Variants in AGO3 observed in about 807,000 individuals in gnomAD.
AGO3 encodes argonaute RISC catalytic component 3, also known as protein argonaute-3.
A neutral mutation model predicts 105.5 loss-of-function variants in AGO3; 16 were observed. The observed-to-expected ratio is 0.15, with a 90% CI of 0.10 to 0.23. The LOEUF (loss-of-function observed/expected upper bound fraction) is 0.23. AGO3 is among the 10% of genes least tolerant of loss of function. The probability of loss-of-function intolerance (pLI) is 1.00; values close to 1 mark genes in which losing one functional copy is unlikely to be tolerated. For synonymous variants in AGO3, 340 were observed against 367.3 expected (o/e 0.93, Z 0.85); for missense variants, 534 against 1,088.0 (o/e 0.49, Z 7.16).
rs748400455 is a variant in AGO3, at chr1:36,015,693, A to G, written c.1406+1645A>G. 1.7e-4 allele frequency among the ~76,000 whole-genome samples: 26 copies of G among 152,200 alleles called. 1 individual carries two copies. Among genetic ancestry groups the G allele is most frequent in the Admixed American group, 1.6e-3 (24 of 15,278 alleles). On this transcript the variant is annotated intron_variant, in intron 11 of 18. Coordinates refer to ENST00000373191, the MANE Select transcript of AGO3 (RefSeq NM_024852.4). ...CAAATGCATATTTCACAATATCACA[A>G]CTACTTTTTGTGGGATAGTAGCAGC...
At chr1:35,984,078 T>C (rs1647113414) in intron 5 of AGO3, among the ~76,000 whole-genome samples, 1 of 152,062 alleles carries the variant, frequency 6.6e-6, no homozygotes, top group South Asian at 2.1e-4. Flanking sequence ...AATACTAGCA[T>C]TTAAGAAAAA....
rs566321315 is a variant in AGO3, at chr1:36,030,881, C to A, written c.1592-3293C>A. On this transcript the variant is annotated intron_variant, in intron 12 of 18. Coordinates refer to ENST00000373191, the MANE Select transcript of AGO3 (RefSeq NM_024852.4). Reference sequence around the variant, plus strand: ...AAATTTTTGTAGTGTTTTCCCTAGACTTTTTAATATATATTTACAACTAAT... The same window carrying A: ...AAATTTTTGTAGTGTTTTCCCTAGAATTTTTAATATATATTTACAACTAAT... 2.6e-5 allele frequency among the ~76,000 whole-genome samples: 4 copies of A among 152,218 alleles called. No homozygotes were observed. The East Asian group carries it at 5.8e-4, about 22-fold the overall frequency.
chr1:35,933,858 CTG>C (rs1356648917), intron 1 of AGO3, among the ~76,000 whole-genome samples: 2 of 151,878 alleles, frequency 1.3e-5, no homozygotes, highest in African/African-American at 2.4e-5. Flanking sequence ...ACACAGAAAA[CTG>C]TTAAATTTGT....
intron 5 of AGO3, among the ~76,000 whole-genome samples, chr1:35,997,941 C>T (rs1176045197): frequency 1.3e-5 from 2 of 152,246 alleles, no homozygotes; most frequent in South Asian, 2.1e-4. Context: ...AGGTGATCCA[C>T]CCGCCTTGGC....
chr1:36,014,403 C>T (rs1344575006), intron 11 of AGO3, among the ~76,000 whole-genome samples: 2 of 151,952 alleles, frequency 1.3e-5, no homozygotes, highest in East Asian at 2.0e-4. Context: ...GGTGATCTGC[C>T]CGCCTTGGCC....
intron 2 of AGO3, among the ~76,000 whole-genome samples, chr1:35,953,586 C>G (rs1285380120): frequency 6.6e-6 from 1 of 150,550 alleles, no homozygotes; most frequent in African/African-American, 2.5e-5. Context: ...AGTGCAGTGG[C>G]ACGATCTTAG....
chr1:35,979,116 G>A (rs1647003690), intron 5 of AGO3, among the ~76,000 whole-genome samples: 1 of 152,166 alleles, frequency 6.6e-6, no homozygotes, highest in Non-Finnish European at 1.5e-5. Flanking sequence ...TGTAATCCCA[G>A]CACTTTGGGA....
chr1:35,965,282 G>C (rs555201786), intron 2 of AGO3, among the ~76,000 whole-genome samples: 17 of 152,110 alleles, frequency 1.1e-4, no homozygotes, highest in African/African-American at 3.4e-4. Context: ...ACCAGGTCAG[G>C]AGTTCGAGAC....
intron 2 of AGO3, among the ~76,000 whole-genome samples, chr1:35,947,477 T>G (rs1296010473): frequency 6.6e-6 from 1 of 152,188 alleles, no homozygotes; most frequent in African/African-American, 2.4e-5. Context: ...GTGGTTATTT[T>G]TCTCCCTTTC....
At chr1:36,011,669 C>G (rs1297694011) in intron 9 of AGO3, among the ~76,000 whole-genome samples, 1 of 152,178 alleles carries the variant, frequency 6.6e-6, no homozygotes, top group Non-Finnish European at 1.5e-5. Flanking sequence ...CTTACTGTTA[C>G]TGTTACTATT....
At chr1:35,998,801 T>C (rs1639956928) in intron 5 of AGO3, among the ~76,000 whole-genome samples, 1 of 152,192 alleles carries the variant, frequency 6.6e-6, no homozygotes, top group African/African-American at 2.4e-5. Context: ...TGGTGTCTTT[T>C]TTCTTATAGT....
rs1324033712 is a variant in AGO3, at chr1:36,070,100, A to G, written c.*14355A>G. On this transcript the variant is annotated 3_prime_UTR_variant, in exon 19 of 19. Coordinates refer to ENST00000373191, the MANE Select transcript of AGO3 (RefSeq NM_024852.4). ...AATAATAAAATACAAATACTTAGAA[A>G]TTAACTTCGCCTTTGCCTTCAGGCA... is the stretch of plus-strand genomic sequence containing the variant. The G allele has an allele frequency of 1.3e-5, 2 of 152,158 alleles. No individual in the cohort carries two copies. Among genetic ancestry groups the G allele is most frequent in the Non-Finnish European group, 2.9e-5 (2 of 68,032 alleles). 9.4% of individuals were successfully genotyped at this position (152,158 alleles called of 1,614,324 possible).
Position 35,970,385 on chromosome 1 carries a change from T to G in AGO3, c.313-1639T>G, listed in dbSNP as rs150871839. 2.0e-5 allele frequency among the ~76,000 whole-genome samples: 3 copies of G among 152,314 alleles called. No individual in the cohort carries two copies. The East Asian group carries it at 5.8e-4, about 29-fold the overall frequency. ...GGGATTCTTCCTTTCCTCACTCCAT[T>G]TCATATTTGTATCTTTCTTCTTTAG... On this transcript the variant is annotated intron_variant, in intron 3 of 18. Coordinates refer to ENST00000373191, the MANE Select transcript of AGO3 (RefSeq NM_024852.4).
chr1:35,991,569 G>A (rs1647664929), intron 5 of AGO3, among the ~76,000 whole-genome samples: 1 of 147,866 alleles, frequency 6.8e-6, no homozygotes, highest in South Asian at 2.1e-4. Flanking sequence ...TATAATATAT[G>A]TATATATTAG....
chr1:36,017,581 T>A (rs1362131882), intron 11 of AGO3, among the ~76,000 whole-genome samples: 1 of 152,056 alleles, frequency 6.6e-6, no homozygotes, highest in Non-Finnish European at 1.5e-5. Flanking sequence ...AGAGATAAAT[T>A]TCTAATCATT....
In AGO3 at chr1:35,997,771, A is replaced by G. The variant is rs564062653; in HGVS notation, c.659-6570A>G. On this transcript the variant is annotated intron_variant, in intron 5 of 18. Coordinates refer to ENST00000373191, the MANE Select transcript of AGO3 (RefSeq NM_024852.4). ...GAGTGCAGTGGCGTGATCTCGGCTC[A>G]ATGCAACCTCCTCCTCCTGTGTTCA... Among the ~76,000 whole-genome samples, 4 of 152,224 alleles carry G rather than the reference A, an allele frequency of 2.6e-5. No homozygotes were observed. In the East Asian group the frequency reaches 7.7e-4, roughly 29 times the overall value.
rs755046844 is a variant in AGO3 at position 35,953,527 on chromosome 1, A to ATT, written c.191+7679_191+7680dup. Among the ~76,000 whole-genome samples the ATT allele has an allele frequency of 3.3e-3, 462 of 140,900 alleles. 3 individuals are homozygous for ATT. The highest frequency in any genetic ancestry group is 0.011 in the African/African-American group (417 of 38,518). The allele number at this position is 140,900 out of a possible 152,430, so 92.4% of individuals were successfully genotyped here. A position where few individuals can be genotyped will look rare whatever the true frequency, so the allele number is the denominator to read the frequency against. Reference sequence around the variant, plus strand: ...AAATGTCTATTTAGGTCCTTTGCTAATTTTTTTTTTTTTTTTGAGACAGAG... The same window carrying ATT: ...AAATGTCTATTTAGGTCCTTTGCTAATTTTTTTTTTTTTTTTTTGAGACAGAG... On this transcript the variant is annotated intron_variant, in intron 2 of 18. Transcript: ENST00000373191.
chr1:35,946,207 T>A (rs1646362053), intron 2 of AGO3, among the ~76,000 whole-genome samples: 1 of 152,202 alleles, frequency 6.6e-6, no homozygotes, highest in Admixed American at 6.5e-5. Flanking sequence ...CTCTCTTATG[T>A]ACCACTTTCA....
At chr1:36,026,788 G>C (rs751118131) in intron 11 of AGO3, among the ~76,000 whole-genome samples, 1 of 152,200 alleles carries the variant, frequency 6.6e-6, no homozygotes, top group Non-Finnish European at 1.5e-5. Flanking sequence ...TGAAGTAAGT[G>C]CCTAAAATTT....
Sources: allele counts gnomAD v4.1 joint callset (sites outside exome capture counted in the v4.1 genomes callset), GRCh38; gene constraint gnomAD v4.1.1; transcripts MANE v1.5; gene names NCBI Gene and HGNC (gene_info 2026-07-23, HGNC 2026-07-21).